DIS3L2: variants seen among roughly 807,000 people sequenced by gnomAD.
DIS3L2 encodes the protein DIS3-like exonuclease 2.
A neutral mutation model predicts 97.5 loss-of-function variants in DIS3L2; 34 were observed. The ratio of observed to expected loss-of-function variants is 0.35; its 90% CI spans 0.27 to 0.46. The LOEUF (loss-of-function observed/expected upper bound fraction) is 0.46, where lower values mean the gene tolerates loss of function less well. Among genes scored for constraint, DIS3L2 ranks in the 20% least tolerant of loss-of-function variants. DIS3L2 has a pLI of 1.00. For synonymous variants in DIS3L2, 435 were observed against 445.2 expected (o/e 0.98, Z 0.29); for missense variants, 1,038 against 1,146.0 (o/e 0.91, Z 1.36).
At chr2:231,975,077 T>C (rs1385979499) in intron 1 of DIS3L2, among the ~76,000 whole-genome samples, 6 of 152,196 alleles carry the variant, frequency 3.9e-5, no homozygotes, top group Non-Finnish European at 7.3e-5. Flanking sequence ...TTTACACTTT[T>C]GAACGGCATT....
chr2:232,202,484 G>A (rs1411068706), intron 9 of DIS3L2, among the ~76,000 whole-genome samples: 1 of 152,182 alleles, frequency 6.6e-6, no homozygotes, highest in Non-Finnish European at 1.5e-5. Context: ...GATGTAACAT[G>A]GCAGAACATT....
chr2:232,148,826 T>A (rs1311219700), intron 8 of DIS3L2, among the ~76,000 whole-genome samples: 1 of 141,132 alleles, frequency 7.1e-6, no homozygotes, highest in Admixed American at 7.4e-5. Context: ...AAAAAAATAA[T>A]TTCTTTCCTT....
intron 13 of DIS3L2, among the ~76,000 whole-genome samples, chr2:232,278,083 T>C (rs1694189636): frequency 6.6e-6 from 1 of 152,230 alleles, no homozygotes; most frequent in African/African-American, 2.4e-5. Context: ...AGTGCATTGT[T>C]ACTGCTTCTC....
At position 232,115,396 on chromosome 2, in the gene DIS3L2, T is replaced by G. The variant is rs1164908610; in HGVS notation, c.602-15223T>G. On this transcript the variant is annotated intron_variant, in intron 6 of 20. Coordinates refer to ENST00000325385, the MANE Select transcript of DIS3L2 (RefSeq NM_152383.5). ...ATTCAATCTTTATGTCATACGAATG[T>G]ATTGAAAGAGAAAAGTTAAATTTGG... is the stretch of plus-strand genomic sequence containing the variant. Among the ~76,000 whole-genome samples the G allele has an allele frequency of 2.0e-5, 3 of 152,280 alleles. No individual in the cohort carries two copies. In the East Asian group the frequency reaches 5.8e-4, roughly 29 times the overall value.
chr2:232,340,708 C>G (rs1416641517), downstream of DIS3L2: 1 of 469,658 alleles, frequency 2.1e-6, no homozygotes, highest in East Asian at 6.9e-5. Flanking sequence ...TCTCAGTTCT[C>G]TCTCCATCCC....
rs568948005 is a variant in DIS3L2 at position 232,037,203 on chromosome 2, G to A, written c.366+7123G>A. On this transcript the variant is annotated intron_variant, in intron 5 of 20. Coordinates refer to ENST00000325385, the MANE Select transcript of DIS3L2 (RefSeq NM_152383.5). The surrounding 1 kb of genome is among the most constrained non-coding windows in gnomAD (Gnocchi z 4.6). Reference sequence around the variant, plus strand: ...GTTTTACCTATAAGCCCCTGACTGGGGCTGCTGCCTTTCTTTCAGAGATGC... The same window carrying A: ...GTTTTACCTATAAGCCCCTGACTGGAGCTGCTGCCTTTCTTTCAGAGATGC... Among the ~76,000 whole-genome samples, 3 of 152,304 alleles carry A rather than the reference G, an allele frequency of 2.0e-5. No homozygotes were observed. The highest frequency in any genetic ancestry group is 4.1e-4 in the South Asian group (2 of 4,822).
intron 6 of DIS3L2, among the ~76,000 whole-genome samples, chr2:232,111,513 T>C (rs982164932): frequency 2.0e-5 from 3 of 152,196 alleles, no homozygotes; most frequent in Non-Finnish European, 4.4e-5. Flanking sequence ...TATACTTCAT[T>C]GCCTGCACCA....
intron 20 of DIS3L2, 147 bp from the exon 21 acceptor site, chr2:232,336,322 G>T: frequency 6.5e-7 from 1 of 1,547,648 alleles, no homozygotes; most frequent in Non-Finnish European, 8.7e-7. Flanking sequence ...CATTCTTCCT[G>T]GAGGGGGCCC....
intron 8 of DIS3L2, among the ~76,000 whole-genome samples, chr2:232,148,411 T>C (rs1012267410): frequency 1.3e-5 from 2 of 152,162 alleles, no homozygotes; most frequent in African/African-American, 4.8e-5. Context: ...CATGCTGATC[T>C]GTTAGATTTT....
intron 12 of DIS3L2, among the ~76,000 whole-genome samples, chr2:232,258,620 AGG>A (rs1467040761): frequency 6.7e-6 from 1 of 148,652 alleles, no homozygotes; most frequent in Non-Finnish European, 1.5e-5. Flanking sequence ...AAAAAAAAAA[AGG>A]AAAGAGGAAA....
intron 9 of DIS3L2, among the ~76,000 whole-genome samples, chr2:232,169,725 C>G (rs1221917564): frequency 6.6e-6 from 1 of 152,166 alleles, no homozygotes; most frequent in Non-Finnish European, 1.5e-5. Context: ...CAGTGTTACT[C>G]TGGCTCTAGC....
intron 12 of DIS3L2, 145 bp from the exon 13 acceptor site, chr2:232,263,062 C>A: frequency 1.2e-6 from 1 of 821,076 alleles, no homozygotes; most frequent in Admixed American, 2.3e-5. Flanking sequence ...CATCTGGGTG[C>A]CTAGCCTGAA....
At chr2:232,238,459 C>A in intron 10 of DIS3L2, 74 bp from the exon 11 acceptor site, 2 of 1,269,584 alleles carry the variant, frequency 1.6e-6, no homozygotes, top group South Asian at 1.3e-5. Context: ...GACATACATT[C>A]TAGGAAAGGA....
chr2:232,084,997 T>A (rs1696530085), intron 5 of DIS3L2, among the ~76,000 whole-genome samples: 1 of 152,214 alleles, frequency 6.6e-6, no homozygotes. Context: ...TAAAATGCTT[T>A]AGGAAAGATT....
intron 11 of DIS3L2, among the ~76,000 whole-genome samples, chr2:232,246,225 A>G (rs769630614): frequency 5.3e-5 from 8 of 152,262 alleles, no homozygotes; most frequent in Admixed American, 1.3e-4. Flanking sequence ...AAAACACAGC[A>G]CACACTCTGC....
At position 231,977,289 on chromosome 2, in the gene DIS3L2, T is replaced by A. The variant is rs185660463; in HGVS notation, c.-94+15524T>A. 3.9e-4 allele frequency among the ~76,000 whole-genome samples: 60 copies of A among 152,358 alleles called. No individual in the cohort carries two copies. The East Asian group carries it at 0.012, about 29-fold the overall frequency. Reference sequence around the variant, plus strand: ...ATAATTAATTCAGAGGTTTATTGATTGATTGATAACATTTTCATGCTGTAG... The same window carrying A: ...ATAATTAATTCAGAGGTTTATTGATAGATTGATAACATTTTCATGCTGTAG... On this transcript the variant is annotated intron_variant, in intron 1 of 20. Coordinates refer to ENST00000325385, the MANE Select transcript of DIS3L2 (RefSeq NM_152383.5).
chr2:232,057,771 T>A (rs549008265), intron 5 of DIS3L2, among the ~76,000 whole-genome samples: 2 of 152,216 alleles, frequency 1.3e-5, no homozygotes, highest in Admixed American at 1.3e-4. Context: ...TGTCTTGTTT[T>A]AAACTGCTAA....
chr2:232,098,962 T>C (rs1375695191), intron 6 of DIS3L2, among the ~76,000 whole-genome samples: 1 of 152,210 alleles, frequency 6.6e-6, no homozygotes, highest in African/African-American at 2.4e-5. Flanking sequence ...TATTCTCCCT[T>C]GTAATCTTTT....
chr2:232,219,482 C>G (rs1380043435), intron 10 of DIS3L2, among the ~76,000 whole-genome samples: 1 of 152,068 alleles, frequency 6.6e-6, no homozygotes, highest in African/African-American at 2.4e-5. Flanking sequence ...GGGTTTATAT[C>G]CTGACATATA....
Sources: gnomAD v4.1 joint callset for allele counts (sites outside exome capture counted in the v4.1 genomes callset) on GRCh38, gnomAD v4.1.1 for gene constraint, Gnocchi (gnomAD v3.1) non-coding constraint, MANE v1.5 for transcripts, NCBI Gene and HGNC (gene_info 2026-07-23, HGNC 2026-07-21) for gene names.